CPT1C: variants seen among roughly 807,000 people sequenced by gnomAD.
CPT1C encodes the protein palmitoyl thioesterase CPT1C.
A neutral mutation model predicts 97.3 loss-of-function variants in CPT1C; 61 were observed. The observed-to-expected ratio is 0.63, with a 90% CI of 0.51 to 0.78. CPT1C has a LOEUF of 0.78. Among genes scored for constraint, CPT1C ranks in the 30% least tolerant of loss-of-function variants. CPT1C has a pLI of 0.00. For missense variants in CPT1C, 975 were observed against 1,065.5 expected, an observed-to-expected ratio of 0.92 and a Z score of 1.18; for synonymous variants, 469 against 447.2, an observed-to-expected ratio of 1.05 and a Z score of -0.61.
chr19:49,700,385 T>G (rs2123256622), intron 4 of CPT1C, among the ~76,000 whole-genome samples: 1 of 152,170 alleles, frequency 6.6e-6, no homozygotes, highest in East Asian at 1.9e-4. Flanking sequence ...AGCCACAGTT[T>G]CAGAACTATT....
At position 49,691,839 on chromosome 19, in the gene CPT1C, C is replaced by T. The variant is rs974420616; in HGVS notation, c.-65C>T. On this transcript the variant is annotated 5_prime_UTR_variant, in exon 2 of 20. Transcript: ENST00000598293. The stretch of plus-strand genomic sequence containing the variant: ...TTCCCAGAGGTCCCGAATTGACGTC[C>T]TTCCCTCAAAACCTCCGGGTCTACA... The T allele has an allele frequency of 5.8e-5, 10 of 172,772 alleles. No homozygotes were observed. Among genetic ancestry groups the T allele is most frequent in the Non-Finnish European group, 8.7e-5 (7 of 80,914 alleles). The allele number at this position is 172,772 out of a possible 1,614,324, so 10.7% of individuals were successfully genotyped here.
intron 14 of CPT1C, among the ~76,000 whole-genome samples, chr19:49,709,705 C>T (rs1399012464): frequency 1.3e-5 from 2 of 152,000 alleles, no homozygotes; most frequent in Admixed American, 1.3e-4. Context: ...CAGGTGCCCA[C>T]TACCACACCC....
Position 49,712,565 on chromosome 19 carries a change from C to A in CPT1C, c.2020-171C>A, listed in dbSNP as rs2083967067. On this transcript the variant is annotated intron_variant, in intron 17 of 19. Coordinates refer to ENST00000598293, the MANE Select transcript of CPT1C (RefSeq NM_001199753.2). The stretch of plus-strand genomic sequence containing the variant: ...AGGGACGTGGGTGTGGGTGGTGAGA[C>A]GAGTGAGGGGCGTGGCCAGATAGGG... The A allele has an allele frequency of 5.0e-6, 3 of 604,848 alleles. No homozygotes were observed. The Admixed American group carries it at 8.1e-5, about 16-fold the overall frequency. 37.5% of individuals were successfully genotyped at this position (604,848 alleles called of 1,614,324 possible). A position where few individuals can be genotyped will look rare whatever the true frequency, so the allele number is the denominator to read the frequency against.
At chr19:49,702,324 T>C (rs1005047206) in intron 7 of CPT1C, among the ~76,000 whole-genome samples, 19 of 150,742 alleles carry the variant, frequency 1.3e-4, no homozygotes, top group African/African-American at 4.6e-4. Context: ...TGAACCAGAA[T>C]TCCAGGACTT....
chr19:49,704,521 CA>C (rs1458481129), intron 7 of CPT1C, among the ~76,000 whole-genome samples, 188 bp from the exon 8 acceptor site: 2 of 152,172 alleles, frequency 1.3e-5, no homozygotes, highest in African/African-American at 4.8e-5. Context: ...CGGAGTATAA[CA>C]GGGTTTAGCT....
At position 49,701,511 on chromosome 19, in the gene CPT1C, C is replaced by G; in HGVS notation, c.570C>G (p.Val190=). 1.2e-6 allele frequency: 2 copies of G among 1,609,158 alleles called. No individual in the cohort carries two copies. The highest frequency in any genetic ancestry group is 1.7e-6 in the Non-Finnish European group (2 of 1,176,688). Reference sequence around the variant, plus strand: ...CTCCCCTTTAGTACCTGGAGTCGGTCCGGCCCATCCTCTCCGACGAGGACT... The same window carrying G: ...CTCCCCTTTAGTACCTGGAGTCGGTGCGGCCCATCCTCTCCGACGAGGACT... ...QDTVRKYLES[V]RPILSDEDFD... is the part of the protein sequence containing the mutation. The change falls in exon 7 of 20, where the codon GTC becomes GTG. Residue 190 remains valine (V), a synonymous_variant. Transcript: ENST00000598293.
rs367593388 is a variant in CPT1C, at chr19:49,713,636, G to T, written c.*31G>T. On this transcript the variant is annotated 3_prime_UTR_variant, in exon 20 of 20. Transcript: ENST00000598293. ...TCCAGCAGGCAGCTGGCCTCTCCAA[G>T]GAATAAGGGTGAAATTGCCACAGCT... 6.3e-7 allele frequency: 1 copy of T among 1,576,622 alleles called. No individual in the cohort carries two copies. Among genetic ancestry groups the T allele is most frequent in the African/African-American group, 1.4e-5 (1 of 73,888 alleles).
Position 49,692,387 on chromosome 19 carries a change from T to G in CPT1C, c.135T>G (p.Arg45=). 6.2e-7 allele frequency: 1 copy of G among 1,614,086 alleles called. No homozygotes were observed. ...GCTCCTGGAAAAGGCATCTCTCACG[T>G]TTCTGGGTGAGGAGCGGTGCTGGTC... ...GLRSWKRHLS[R]FWNDFLTGVF... The change falls in exon 3 of 20, where the codon CGT becomes CGG. Residue 45 remains arginine, a synonymous_variant. Coordinates refer to ENST00000598293, the MANE Select transcript of CPT1C (RefSeq NM_001199753.2).
intron 5 of CPT1C, 93 bp from the exon 6 acceptor site, chr19:49,701,224 T>C: frequency 9.8e-7 from 1 of 1,024,328 alleles, no homozygotes; most frequent in South Asian, 1.5e-5. Flanking sequence ...TCTGTGTCCT[T>C]CTCTTTGGGT....
rs1442193421 is a variant in CPT1C at position 49,705,958 on chromosome 19, G to A, written c.1014G>A (p.Arg338=). 3 of 1,613,840 alleles carry A rather than the reference G, an allele frequency of 1.9e-6. No homozygotes were observed. The highest frequency in any genetic ancestry group is 1.3e-5 in the African/African-American group (1 of 74,996). The change falls in exon 11 of 20, where the codon CGG becomes CGA. Residue 338 remains arginine, a synonymous_variant. Transcript: ENST00000598293. ...HDSQHVAVFH[R]GRFFRMGTHS... is the part of the protein sequence containing the mutation. ...GCCAACACGTGGCTGTCTTCCACCG[G>A]GGCCGATTCTTCCGCATGGGGACCC...
chr19:49,710,139 C>T lies in CPT1C; in HGVS notation c.1567-181C>T, dbSNP rs147472287. On this transcript the variant is annotated intron_variant, in intron 14 of 19. Coordinates refer to ENST00000598293, the MANE Select transcript of CPT1C (RefSeq NM_001199753.2). ...CTGGGATTACAGGCGTGCGCCACCACGCCCAGCCCCTATCCCCATCTTTAG... is the reference window on the plus strand; with the variant it reads ...CTGGGATTACAGGCGTGCGCCACCATGCCCAGCCCCTATCCCCATCTTTAG... Among the ~76,000 whole-genome samples the T allele has an allele frequency of 5.0e-3, 757 of 152,302 alleles. 7 individuals are homozygous for T. Among genetic ancestry groups the T allele is most frequent in the African/African-American group, 0.016 (684 of 41,570 alleles).
intron 14 of CPT1C, among the ~76,000 whole-genome samples, chr19:49,709,408 A>G (rs958734505): frequency 1.3e-5 from 2 of 149,816 alleles, no homozygotes; most frequent in African/African-American, 4.9e-5. Context: ...CCCATGCCCA[A>G]CTCGAATTCA....
intron 4 of CPT1C, among the ~76,000 whole-genome samples, chr19:49,699,373 A>T (rs2082858949): frequency 6.9e-6 from 1 of 144,142 alleles, no homozygotes; most frequent in Non-Finnish European, 1.5e-5. Context: ...CACACTTGTA[A>T]TCCCAGCACT....
intron 7 of CPT1C, among the ~76,000 whole-genome samples, chr19:49,702,214 A>G (rs1207003513): frequency 1.4e-5 from 2 of 138,604 alleles, no homozygotes; most frequent in African/African-American, 5.5e-5. Flanking sequence ...TTATATATAT[A>G]TGCTCATAAC....
intron 7 of CPT1C, among the ~76,000 whole-genome samples, chr19:49,704,397 C>T (rs1297697874): frequency 1.3e-5 from 2 of 152,184 alleles, no homozygotes; most frequent in African/African-American, 4.8e-5. Flanking sequence ...GTCTTGAACA[C>T]CTGACCTCAG....
At chr19:49,702,001 A>G (rs368486654) in intron 7 of CPT1C, among the ~76,000 whole-genome samples, 6,698 of 70,114 alleles carry the variant, frequency 0.096, 1,489 homozygotes, top group South Asian at 0.16. Flanking sequence ...TATTATAAAT[A>G]TATTAAATAT....
chr19:49,703,102 CATTT>C (rs2083279656), intron 7 of CPT1C, among the ~76,000 whole-genome samples: 1 of 140,278 alleles, frequency 7.1e-6, no homozygotes, highest in South Asian at 2.4e-4. Context: ...CACACACACT[CATTT>C]CTTTCTTCCC....
chr19:49,704,349 T>TTAC (rs1317160378), intron 7 of CPT1C, among the ~76,000 whole-genome samples: 1 of 152,148 alleles, frequency 6.6e-6, no homozygotes. Context: ...TGTTTGTATT[T>TTAC]TTAGTAGAGA....
At chr19:49,701,770 C>G (rs903862150) in intron 7 of CPT1C, 136 bp downstream of exon 7, 15 of 816,326 alleles carry the variant, frequency 1.8e-5, no homozygotes, top group Non-Finnish European at 2.4e-5. Context: ...AGGGTCAATA[C>G]CCTGAGCCCC....
Sources: allele counts gnomAD v4.1 joint callset (sites outside exome capture counted in the v4.1 genomes callset), GRCh38; gene constraint gnomAD v4.1.1; transcripts MANE v1.5; gene names NCBI Gene and HGNC (gene_info 2026-07-23, HGNC 2026-07-21).